FAT1: variants seen among roughly 807,000 people sequenced by gnomAD.
The protein encoded by FAT1 is protocadherin Fat 1.
A neutral mutation model predicts 329.8 loss-of-function variants in FAT1; 171 were observed. That is an observed-to-expected ratio of 0.52 (90% confidence interval 0.46 to 0.59). The LOEUF (loss-of-function observed/expected upper bound fraction) is 0.59, where lower values mean the gene tolerates loss of function less well. Ranked by LOEUF, FAT1 falls within the 20% of genes least tolerant of loss-of-function variation. The pLI is 0.00. For missense variants in FAT1, 5,672 were observed against 5,774.4 expected (o/e 0.98, Z 0.57); for synonymous variants, 2,233 against 2,228.6 (o/e 1.00, Z -0.06).
rs956284854 is a variant in FAT1, at chr4:186,619,722, A to C, written c.6864T>G (p.Tyr2288Ter). 1 of 1,614,028 alleles carries C rather than the reference A, an allele frequency of 6.2e-7. No homozygotes were observed. Among genetic ancestry groups the C allele is most frequent in the Non-Finnish European group, 8.5e-7 (1 of 1,179,898 alleles). ...DNPPVFAQQS[Y>*]AVTLSEASVI... ...CAGATGCCTCAGACAGGGTCACCGC[A>C]TAAGACTGCTGAGCAAACACAGGAG... Residue 2288 changes from tyrosine (Y) to a stop codon, truncating the protein, a stop_gained, in exon 10 of 27, where the codon TAT becomes TAG. Coordinates refer to ENST00000441802, the MANE Select transcript of FAT1 (RefSeq NM_005245.4). LOFTEE classifies it high-confidence loss of function.
chr4:186,615,078 A>T (rs1001582905), intron 11 of FAT1, among the ~76,000 whole-genome samples: 1 of 152,190 alleles, frequency 6.6e-6, no homozygotes, highest in Non-Finnish European at 1.5e-5. Context: ...GTACTCCATG[A>T]AAAAGGACTC....
chr4:186,610,562 T>A (rs1178553617), intron 14 of FAT1, among the ~76,000 whole-genome samples: 1 of 143,970 alleles, frequency 6.9e-6, no homozygotes, highest in African/African-American at 2.6e-5. Flanking sequence ...TAAAGAGCCC[T>A]AAAAATAATT....
rs1739820644 is a variant in FAT1 at position 186,618,254 on chromosome 4, T to C, written c.8332A>G (p.Ile2778Val). The C allele has an allele frequency of 5.0e-6, 8 of 1,614,044 alleles. No individual in the cohort carries two copies. Among genetic ancestry groups the C allele is most frequent in the Admixed American group, 3.3e-5 (2 of 60,036 alleles). ...HETTKWYQFS[I>V]LARCTQDDHE... ...TCATCTTGAGTGCACCTGGCCAGTA[T>C]GGAAAACTGATACCACTTAGTTGTC... is the stretch of plus-strand genomic sequence containing the variant. The change falls in exon 10 of 27, where the codon ATA (isoleucine) becomes GTA (valine). Residue 2778 changes from isoleucine (I) to valine (V), a missense_variant. Physicochemically the swap from Ile to Val is conservative, Grantham distance 29. Around this residue, in one of 2 missense-constraint regions of FAT1, gnomAD observed 3,966 missense variants for 3,915.2 expected, o/e 1.01. Coordinates refer to ENST00000441802, the MANE Select transcript of FAT1 (RefSeq NM_005245.4).
chr4:186,673,156 G>A (rs932084727), intron 2 of FAT1, among the ~76,000 whole-genome samples: 2 of 152,098 alleles, frequency 1.3e-5, no homozygotes, highest in Non-Finnish European at 2.9e-5. Flanking sequence ...TATATGTGCA[G>A]AGAAAAAAGG....
At chr4:186,650,686 G>T (rs112027144) in intron 3 of FAT1, among the ~76,000 whole-genome samples, 167 of 152,168 alleles carry the variant, frequency 1.1e-3, no homozygotes, top group African/African-American at 3.9e-3. Flanking sequence ...CAGCAGCTAA[G>T]AAAGAACAGT....
Position 186,619,553 on chromosome 4 carries a change from G to A in FAT1, c.7033C>T (p.Leu2345Phe), listed in dbSNP as rs987195885. The A allele has an allele frequency of 1.9e-6, 3 of 1,613,952 alleles. No individual in the cohort carries two copies. Among genetic ancestry groups the A allele is most frequent in the Non-Finnish European group, 2.5e-6 (3 of 1,179,900 alleles). Residue 2345 changes from leucine (L) to phenylalanine (F), a missense_variant, in exon 10 of 27, where the codon CTC (leucine) becomes TTC (phenylalanine). By Grantham distance (22) the Leu-to-Phe change is conservative (BLOSUM62 0). This residue lies in a region of FAT1 where 3,966 missense variants were observed against 3,915.2 expected (regional missense o/e 1.01). Transcript: ENST00000441802. ...GACTGCTCGTAATCCAGGGTTCTGA[G>A]TAGTGAGATGAGGCCAGTGCTGCTG... is the stretch of plus-strand genomic sequence containing the variant. The part of the protein sequence containing the change: ...VDSSTGLISL[L>F]RTLDYEQSRQ...
chr4:186,602,199 T>C (rs892955034), intron 20 of FAT1, among the ~76,000 whole-genome samples: 1 of 152,186 alleles, frequency 6.6e-6, no homozygotes, highest in African/African-American at 2.4e-5. Context: ...TCGAAAATGT[T>C]CAATGATGTC....
rs2126684543 is a variant in FAT1 at position 186,706,979 on chromosome 4, T to C, written c.2849A>G (p.Glu950Gly). Residue 950 changes from glutamate to glycine, a missense_variant, in exon 2 of 27, where the codon GAA becomes GGA. Around this residue, in one of 2 missense-constraint regions of FAT1, gnomAD observed 3,966 missense variants for 3,915.2 expected, o/e 1.01. Coordinates refer to ENST00000441802, the MANE Select transcript of FAT1 (RefSeq NM_005245.4). Reference sequence around the variant, plus strand: ...CTGACCTAAATCAGGATCGTGGGCTTCTAACCACATGATGACGGTTCCTTC... The same window carrying C: ...CTGACCTAAATCAGGATCGTGGGCTCCTAACCACATGATGACGGTTCCTTC... The part of the protein sequence containing the change: ...LPEGTVIMWL[E>G]AHDPDLGQSG... The C allele has an allele frequency of 6.2e-7, 1 of 1,614,034 alleles. No individual in the cohort carries two copies. Among genetic ancestry groups the C allele is most frequent in the Non-Finnish European group, 8.5e-7 (1 of 1,179,886 alleles).
intron 2 of FAT1, among the ~76,000 whole-genome samples, chr4:186,670,231 C>A (rs573152042): frequency 2.4e-4 from 37 of 152,294 alleles, no homozygotes; most frequent in Non-Finnish European, 1.5e-4. Context: ...CACAAATTTG[C>A]AAACGCTACC....
At position 186,618,725 on chromosome 4, in the gene FAT1, T is replaced by C; in HGVS notation, c.7861A>G (p.Ser2621Gly). Residue 2621 changes from serine (S) to glycine (G), a missense_variant, in exon 10 of 27, where the codon AGT becomes GGT. Physicochemically the swap from Ser to Gly is moderately conservative, Grantham distance 56. Coordinates refer to ENST00000441802, the MANE Select transcript of FAT1 (RefSeq NM_005245.4). ...GCATTGGAGCCCTCATCGGCATCAC[T>C]TGCAAGAACTTTAACGACTGAAGTC... ...KGTSVVKVLA[S>G]DADEGSNADI... 1.9e-6 allele frequency: 3 copies of C among 1,614,048 alleles called. No homozygotes were observed. Among genetic ancestry groups the C allele is most frequent in the South Asian group, 1.1e-5 (1 of 91,086 alleles).
In FAT1 at chr4:186,706,684, A is replaced by C; in HGVS notation, c.3144T>G (p.Pro1048=). 1 of 1,613,984 alleles carries C rather than the reference A, an allele frequency of 6.2e-7. No individual in the cohort carries two copies. Among genetic ancestry groups the C allele is most frequent in the Middle Eastern group, 1.6e-4 (1 of 6,062 alleles). ...ACACCGTCATTACCAATGAACCAAC[A>C]GGTGCATCTTCTTTCACTGTCCCCT... is the stretch of plus-strand genomic sequence containing the variant. The part of the protein sequence containing the change: ...VEKGTVKEDA[P]VGSLVMTVSA... Residue 1048 remains proline, a synonymous_variant, in exon 2 of 27, where the codon CCT becomes CCG. Coordinates refer to ENST00000441802, the MANE Select transcript of FAT1 (RefSeq NM_005245.4).
chr4:186,606,406 G>A (rs1188236130), intron 16 of FAT1, among the ~76,000 whole-genome samples, 193 bp from the exon 17 acceptor site: 2 of 151,910 alleles, frequency 1.3e-5, no homozygotes, highest in Non-Finnish European at 2.9e-5. Context: ...CCAACAGCAA[G>A]AATTACCAAT....
chr4:186,594,690 A>ATG (rs35612402), intron 26 of FAT1, among the ~76,000 whole-genome samples: 1 of 144,618 alleles, frequency 6.9e-6, no homozygotes, highest in Non-Finnish European at 1.5e-5. Flanking sequence ...ATATATATAT[A>ATG]TATATATATA....
intron 3 of FAT1, among the ~76,000 whole-genome samples, chr4:186,646,756 G>C (rs1360511611): frequency 6.7e-6 from 1 of 150,272 alleles, no homozygotes; most frequent in Non-Finnish European, 1.5e-5. Context: ...AACTTTCCTA[G>C]ATTTTGACTG....
intron 2 of FAT1, among the ~76,000 whole-genome samples, chr4:186,697,571 A>G (rs1408436876): frequency 6.6e-6 from 1 of 152,220 alleles, no homozygotes; most frequent in East Asian, 1.9e-4. Context: ...GGTTTCTCCT[A>G]AATCATTTCA....
intron 2 of FAT1, among the ~76,000 whole-genome samples, chr4:186,697,645 T>C (rs1269317851): frequency 1.3e-5 from 2 of 152,244 alleles, no homozygotes; most frequent in Admixed American, 1.3e-4. Flanking sequence ...AGCTCATTTA[T>C]AATTTTTATA....
intron 22 of FAT1, 55 bp downstream of exon 22, chr4:186,599,843 C>T (rs986157715): frequency 7.5e-7 from 1 of 1,327,122 alleles, no homozygotes; most frequent in African/African-American, 1.5e-5. Context: ...GGGGAGCTTC[C>T]CCTTAAATGT....
chr4:186,656,940 T>C (rs967069097), intron 3 of FAT1, among the ~76,000 whole-genome samples: 1 of 151,986 alleles, frequency 6.6e-6, no homozygotes, highest in Non-Finnish European at 1.5e-5. Flanking sequence ...CTTCCACTTC[T>C]AGTAAGGGAT....
intron 2 of FAT1, among the ~76,000 whole-genome samples, chr4:186,683,219 C>T (rs1423351694): frequency 6.6e-6 from 1 of 152,230 alleles, no homozygotes; most frequent in East Asian, 1.9e-4. Flanking sequence ...AAATCCTTAA[C>T]ACATGCCCTG....
Sources: gnomAD v4.1 joint callset for allele counts (sites outside exome capture counted in the v4.1 genomes callset) on GRCh38, gnomAD v4.1.1 for gene constraint, gnomAD v4.1.1 regional missense constraint, MANE v1.5 for transcripts, NCBI Gene and HGNC (gene_info 2026-07-23, HGNC 2026-07-21) for gene names.